FBXO8: variants seen among roughly 807,000 people sequenced by gnomAD.
The protein encoded by FBXO8 is F-box only protein 8.
FBXO8 carries 15 observed loss-of-function variants against 33.4 expected under a neutral mutation model. That is an observed-to-expected ratio of 0.45 (90% CI 0.30 to 0.69). The LOEUF (loss-of-function observed/expected upper bound fraction) is 0.69, where lower values mean the gene tolerates loss of function less well. FBXO8 is among the 30% of genes least tolerant of loss of function. The pLI is 0.08. For missense variants in FBXO8, 274 were observed against 380.3 expected, an observed-to-expected ratio of 0.72 and a Z score of 2.32; for synonymous variants, 132 against 131.5, an observed-to-expected ratio of 1.00 and a Z score of -0.02.
Position 174,262,655 on chromosome 4 carries a change from A to T in FBXO8, c.329+109T>A. ...GTTTTAATAAAGAGCATCTCAAAGTACAAGCCCAAGTTTAAAGAAAATATT... is the reference window on the plus strand; with the variant it reads ...GTTTTAATAAAGAGCATCTCAAAGTTCAAGCCCAAGTTTAAAGAAAATATT... On this transcript the variant is annotated intron_variant, in intron 2 of 5. Transcript: ENST00000393674. This position sits in a 1 kb window ranked among gnomAD's most constrained non-coding sequence, Gnocchi z 4.6. 1.1e-6 allele frequency: 1 copy of T among 936,930 alleles called. No homozygotes were observed. The highest frequency in any genetic ancestry group is 1.8e-5 in the South Asian group (1 of 55,038). 58.0% of individuals were successfully genotyped at this position (936,930 alleles called of 1,614,324 possible).
At position 174,274,866 on chromosome 4, in the gene FBXO8, G is replaced by A. The variant is rs552652060; in HGVS notation, c.-9+8544C>T. On this transcript the variant is annotated intron_variant, in intron 1 of 5. Coordinates refer to ENST00000393674, the MANE Select transcript of FBXO8 (RefSeq NM_012180.3). The surrounding 1 kb of genome is among the most constrained non-coding windows in gnomAD (Gnocchi z 4.0). ...TATAAAAATTTTAGAAAAATACATA[G>A]AAGGAAATCTTTGGGGTCTAAGGCT... 6.6e-6 allele frequency among the ~76,000 whole-genome samples: 1 copy of A among 152,046 alleles called. No individual in the cohort carries two copies. The highest frequency in any genetic ancestry group is 1.9e-4 in the East Asian group (1 of 5,204).
rs964502879 is a variant in FBXO8, at chr4:174,255,760, T to G, written c.456+3939A>C. On this transcript the variant is annotated intron_variant, in intron 3 of 5. Coordinates refer to ENST00000393674, the MANE Select transcript of FBXO8 (RefSeq NM_012180.3). This position sits in a 1 kb window ranked among gnomAD's most constrained non-coding sequence, Gnocchi z 4.3. ...ACTACGTCAAGAAAGTGTTTTAATATACATTGGAGCACAAGTAATATAGTT... is the reference window on the plus strand; with the variant it reads ...ACTACGTCAAGAAAGTGTTTTAATAGACATTGGAGCACAAGTAATATAGTT... Among the ~76,000 whole-genome samples, 5 of 152,214 alleles carry G rather than the reference T, an allele frequency of 3.3e-5. No homozygotes were observed. The highest frequency in any genetic ancestry group is 7.2e-5 in the African/African-American group (3 of 41,456).
At position 174,255,278 on chromosome 4, in the gene FBXO8, A is replaced by C. The variant is rs1736389683; in HGVS notation, c.456+4421T>G. Among the ~76,000 whole-genome samples the C allele has an allele frequency of 2.0e-5, 3 of 152,176 alleles. No homozygotes were observed. The South Asian group carries it at 6.2e-4, about 32-fold the overall frequency. On this transcript the variant is annotated intron_variant, in intron 3 of 5. Transcript: ENST00000393674. This position sits in a 1 kb window ranked among gnomAD's most constrained non-coding sequence, Gnocchi z 4.3. ...ACGCTATGAAGTAATGGTAATGACG[A>C]TTTTGTTGTTGAATACTGGAGCAAA...
At position 174,278,617 on chromosome 4, in the gene FBXO8, C is replaced by T. The variant is rs564932086; in HGVS notation, c.-9+4793G>A. Among the ~76,000 whole-genome samples the T allele has an allele frequency of 6.6e-6, 1 of 152,084 alleles. No homozygotes were observed. Among genetic ancestry groups the T allele is most frequent in the East Asian group, 1.9e-4 (1 of 5,178 alleles). ...TTATATGGTTCTTACTTAATTGTATCACTATTTACTTAAAGTGGCTGTAAT... is the reference window on the plus strand; with the variant it reads ...TTATATGGTTCTTACTTAATTGTATTACTATTTACTTAAAGTGGCTGTAAT... On this transcript the variant is annotated intron_variant, in intron 1 of 5. Coordinates refer to ENST00000393674, the MANE Select transcript of FBXO8 (RefSeq NM_012180.3). This position sits in a 1 kb window ranked among gnomAD's most constrained non-coding sequence, Gnocchi z 4.1.
At chr4:174,273,818 T>G (rs1736892688) in intron 1 of FBXO8, among the ~76,000 whole-genome samples, 1 of 152,180 alleles carries the variant, frequency 6.6e-6, no homozygotes, top group Non-Finnish European at 1.5e-5. Context: ...GAAAAAGATG[T>G]GTGTTTGAGT....
At chr4:174,243,544 G>T (rs1736088972) in intron 3 of FBXO8, among the ~76,000 whole-genome samples, 1 of 139,022 alleles carries the variant, frequency 7.2e-6, no homozygotes, top group African/African-American at 2.5e-5. Flanking sequence ...GCCATTAAAA[G>T]TAATGTCAAA....
intron 1 of FBXO8, among the ~76,000 whole-genome samples, chr4:174,282,085 C>T (rs1737108943): frequency 6.6e-6 from 1 of 152,110 alleles, no homozygotes; most frequent in Non-Finnish European, 1.5e-5. Context: ...TGACTAATTT[C>T]AACACACTGT....
Position 174,257,719 on chromosome 4 carries a change from C to T in FBXO8, c.456+1980G>A, listed in dbSNP as rs1223879650. ...AGGGTCTCACTCTCACAGCTTATTGCACTCTTGACCTCTGGGGCTACATAT... is the reference window on the plus strand; with the variant it reads ...AGGGTCTCACTCTCACAGCTTATTGTACTCTTGACCTCTGGGGCTACATAT... On this transcript the variant is annotated intron_variant, in intron 3 of 5. Transcript: ENST00000393674. This position sits in a 1 kb window ranked among gnomAD's most constrained non-coding sequence, Gnocchi z 4.3. Among the ~76,000 whole-genome samples the T allele has an allele frequency of 2.0e-5, 3 of 152,048 alleles. No homozygotes were observed. The highest frequency in any genetic ancestry group is 4.4e-5 in the Non-Finnish European group (3 of 67,998).
chr4:174,279,272 C>T (rs1737020007), intron 1 of FBXO8, among the ~76,000 whole-genome samples: 1 of 151,962 alleles, frequency 6.6e-6, no homozygotes, highest in African/African-American at 2.4e-5. Flanking sequence ...CCAACTACAA[C>T]AGCATCAAAA....
rs1035805016 is a variant in FBXO8 at position 174,270,863 on chromosome 4, C to T, written c.-8-7763G>A. On this transcript the variant is annotated intron_variant, in intron 1 of 5. Transcript: ENST00000393674. This position sits in a 1 kb window ranked among gnomAD's most constrained non-coding sequence, Gnocchi z 4.6. ...AACTCCTCACCTCAGGTGATCCGCC[C>T]GCCTCGGCTTCTCAGGAATAGGTTT... Among the ~76,000 whole-genome samples the T allele has an allele frequency of 2.6e-5, 4 of 152,012 alleles. No individual in the cohort carries two copies. Among genetic ancestry groups the T allele is most frequent in the African/African-American group, 7.3e-5 (3 of 41,376 alleles).
chr4:174,271,393 T>C (rs1736836281), intron 1 of FBXO8, among the ~76,000 whole-genome samples: 1 of 152,064 alleles, frequency 6.6e-6, no homozygotes, highest in African/African-American at 2.4e-5. Flanking sequence ...TTAACATCTC[T>C]GGGTCACTGT....
chr4:174,249,223 T>A (rs1297530142), intron 3 of FBXO8, among the ~76,000 whole-genome samples: 1 of 152,046 alleles, frequency 6.6e-6, no homozygotes, highest in African/African-American at 2.4e-5. Flanking sequence ...AATGTAACAA[T>A]CATTATTGTA....
In FBXO8 at chr4:174,272,739, C is replaced by T. The variant is rs184002136; in HGVS notation, c.-8-9639G>A. ...CTGGAGTTTGACAAAGAATGGAATA[C>T]TTACAGAATCCCAAAGTATCTTCCC... On this transcript the variant is annotated intron_variant, in intron 1 of 5. Coordinates refer to ENST00000393674, the MANE Select transcript of FBXO8 (RefSeq NM_012180.3). The surrounding 1 kb of genome is among the most constrained non-coding windows in gnomAD (Gnocchi z 4.7). 2.0e-3 allele frequency among the ~76,000 whole-genome samples: 299 copies of T among 152,236 alleles called. 2 individuals are homozygous for T. Among genetic ancestry groups the T allele is most frequent in the African/African-American group, 6.9e-3 (286 of 41,544 alleles).
At chr4:174,249,767 C>T (rs1030325238) in intron 3 of FBXO8, among the ~76,000 whole-genome samples, 3 of 151,838 alleles carry the variant, frequency 2.0e-5, no homozygotes, top group Admixed American at 1.3e-4. Context: ...CTAATTATTG[C>T]TTAAATGTCA....
rs906569 is a variant in FBXO8, at chr4:174,267,876, A to G, written c.-8-4776T>C. 6.6e-6 allele frequency among the ~76,000 whole-genome samples: 1 copy of G among 152,096 alleles called. No homozygotes were observed. The highest frequency in any genetic ancestry group is 1.9e-4 in the East Asian group (1 of 5,192). On this transcript the variant is annotated intron_variant, in intron 1 of 5. Coordinates refer to ENST00000393674, the MANE Select transcript of FBXO8 (RefSeq NM_012180.3). This position sits in a 1 kb window ranked among gnomAD's most constrained non-coding sequence, Gnocchi z 4.7. ...AATCACTGAATATGCAAAAAGTTTC[A>G]AATTCAAAAAAAATTCAACACAAAA...
In FBXO8 at chr4:174,263,417, A is replaced by G. The variant is rs1315646086; in HGVS notation, c.-8-317T>C. On this transcript the variant is annotated intron_variant, in intron 1 of 5. Coordinates refer to ENST00000393674, the MANE Select transcript of FBXO8 (RefSeq NM_012180.3). This position sits in a 1 kb window ranked among gnomAD's most constrained non-coding sequence, Gnocchi z 4.2. ...TTACTGATGTCCTTAATACTCTTACAAATTATAATTATGTGGACTTATGGG... is the reference window on the plus strand; with the variant it reads ...TTACTGATGTCCTTAATACTCTTACGAATTATAATTATGTGGACTTATGGG... 2.0e-5 allele frequency among the ~76,000 whole-genome samples: 3 copies of G among 152,200 alleles called. No homozygotes were observed. The highest frequency in any genetic ancestry group is 6.5e-5 in the Admixed American group (1 of 15,272).
chr4:174,269,772 T>C (rs1008874184), intron 1 of FBXO8, among the ~76,000 whole-genome samples: 8 of 151,868 alleles, frequency 5.3e-5, no homozygotes, highest in Non-Finnish European at 1.0e-4. Flanking sequence ...TTCCAGAGAA[T>C]GATTAGCACA....
intron 5 of FBXO8, among the ~76,000 whole-genome samples, chr4:174,238,364 C>T (rs1735936935): frequency 6.6e-6 from 1 of 151,874 alleles, no homozygotes; most frequent in Non-Finnish European, 1.5e-5. Context: ...CCAAGTTGAA[C>T]ATTATGTCTT....
rs559343288 is a variant in FBXO8, at chr4:174,281,152, C to T, written c.-9+2258G>A. ...AAATAAAAGAAGAGATGATGGCGTG[C>T]GTGTGTGTGTATTTAACATCTGTCC... On this transcript the variant is annotated intron_variant, in intron 1 of 5. Transcript: ENST00000393674. This position sits in a 1 kb window ranked among gnomAD's most constrained non-coding sequence, Gnocchi z 4.6. 3.3e-5 allele frequency among the ~76,000 whole-genome samples: 5 copies of T among 152,032 alleles called. No individual in the cohort carries two copies. Among genetic ancestry groups the T allele is most frequent in the Admixed American group, 1.3e-4 (2 of 15,256 alleles).
Sources: gnomAD v4.1 joint callset for allele counts (sites outside exome capture counted in the v4.1 genomes callset) on GRCh38, gnomAD v4.1.1 for gene constraint, Gnocchi (gnomAD v3.1) non-coding constraint, MANE v1.5 for transcripts, NCBI Gene and HGNC (gene_info 2026-07-23, HGNC 2026-07-21) for gene names.